Variants in XPA observed in about 807,000 individuals in gnomAD.
XPA encodes the protein DNA repair protein complementing XP-A cells.
In XPA, 27 loss-of-function variants were observed where a neutral mutation model predicts 35.7. That is an observed-to-expected ratio of 0.76 (90% CI 0.56 to 1.04). The LOEUF is 1.04. XPA is among the 50% of genes least tolerant of loss of function. The pLI, the probability that XPA is intolerant of heterozygous loss-of-function variation, is 0.00. For synonymous variants in XPA, 133 were observed against 118.4 expected, an observed-to-expected ratio of 1.12 and a Z score of -0.80; for missense variants, 354 against 342.7, an observed-to-expected ratio of 1.03 and a Z score of -0.26.
intron 5 of XPA, chr9:97,682,297 T>C (rs764345761): frequency 1.3e-5 from 7 of 518,752 alleles, no homozygotes; most frequent in Non-Finnish European, 2.7e-5. Context: ...TAAAATACTT[T>C]TAGACTTGCT....
chr9:97,669,468 C>G, the XPA span: 6 of 642,606 alleles, frequency 9.3e-6, no homozygotes, highest in Non-Finnish European at 1.1e-5. Context: ...ATAATGGAAG[C>G]TAGGCACACA....
At position 97,675,000 on chromosome 9, in the gene XPA, C is replaced by G. The variant is rs548728905; in HGVS notation, c.*439G>C. ...TTTCCACCATCGTGGAGACAGAAAT[C>G]GTCCTAAAAAACACATGACTAGAAC... On this transcript the variant is annotated 3_prime_UTR_variant, in exon 6 of 6. Coordinates refer to ENST00000375128, the MANE Select transcript of XPA (RefSeq NM_000380.4). 1.9e-5 allele frequency: 10 copies of G among 526,096 alleles called. No homozygotes were observed. Among genetic ancestry groups the G allele is most frequent in the Non-Finnish European group, 3.3e-5 (9 of 271,238 alleles). 32.6% of individuals were successfully genotyped at this position (526,096 alleles called of 1,614,324 possible). A position where few individuals can be genotyped will look rare whatever the true frequency, so the allele number is the denominator to read the frequency against.
chr9:97,691,318 G>A (rs573196983), intron 2 of XPA, among the ~76,000 whole-genome samples: 1 of 152,278 alleles, frequency 6.6e-6, no homozygotes, highest in African/African-American at 2.4e-5. Context: ...AACCACTCTA[G>A]GTAAGGTAAA....
chr9:97,663,507 CAG>C, the XPA span, among the ~76,000 whole-genome samples: 15 of 151,702 alleles, frequency 9.9e-5, no homozygotes, highest in African/African-American at 3.1e-4. Flanking sequence ...TTTTTGGAGA[CAG>C]AGTCTCACTC....
the XPA span, chr9:97,664,291 G>A: frequency 1.7e-5 from 18 of 1,088,370 alleles, no homozygotes; most frequent in Admixed American, 1.7e-4. Context: ...ACATATATAT[G>A]TGTGTGTATG....
At chr9:97,689,441 TAAGAA>T (rs1231816286) in intron 3 of XPA, 88 bp downstream of exon 3, 4 of 811,416 alleles carry the variant, frequency 4.9e-6, no homozygotes, top group South Asian at 1.6e-5. Context: ...TCATAATTAC[TAAGAA>T]AATATCAAAT....
intron 1 of XPA, among the ~76,000 whole-genome samples, chr9:97,695,808 TG>T (rs1179729152): frequency 2.0e-5 from 3 of 152,164 alleles, no homozygotes; most frequent in Non-Finnish European, 4.4e-5. Context: ...TGAAACATGG[TG>T]GGTTGTACAC....
At chr9:97,674,041 T>TTTACAGATAAAAACAGGTTTTGGAGTAA (rs1828276641), downstream of XPA, among the ~76,000 whole-genome samples, 1 of 129,420 alleles carries the variant, frequency 7.7e-6, no homozygotes, top group Non-Finnish European at 1.8e-5. Context: ...TTATGCCCTC[T>TTTACAGATAAAAACAGGTTTTGGAGTAA]TTACAGATAA....
intron 5 of XPA, among the ~76,000 whole-genome samples, chr9:97,679,335 A>G (rs1828467272): frequency 6.6e-6 from 1 of 152,224 alleles, no homozygotes; most frequent in Non-Finnish European, 1.5e-5. Flanking sequence ...TAATCTGGAA[A>G]AAGGATATAT....
chr9:97,678,080 TAGAAAGC>T (rs1287957377), intron 5 of XPA, among the ~76,000 whole-genome samples: 7 of 152,216 alleles, frequency 4.6e-5, no homozygotes, highest in Non-Finnish European at 1.5e-5. Flanking sequence ...TGTGTTGTGC[TAGAAAGC>T]AGAAAGGAGT....
At chr9:97,667,131 C>G in the XPA span, among the ~76,000 whole-genome samples, 1 of 152,116 alleles carries the variant, frequency 6.6e-6, no homozygotes, top group Non-Finnish European at 1.5e-5. Flanking sequence ...TTCACTATCT[C>G]TGGGTCGGCC....
intron 5 of XPA, among the ~76,000 whole-genome samples, chr9:97,683,786 C>T (rs1828620744): frequency 6.6e-6 from 1 of 152,132 alleles, no homozygotes; most frequent in African/African-American, 2.4e-5. Context: ...AACTTGTGTT[C>T]CTCACAACAA....
Position 97,689,637 on chromosome 9 carries a change from G to C in XPA, c.286C>G (p.Pro96Ala), listed in dbSNP as rs573834910. Reference protein sequence around the residue: ...KIGKVVHQPGPVMEFDYVICE... With the variant: ...KIGKVVHQPGAVMEFDYVICE... The stretch of plus-strand genomic sequence containing the variant: ...ATTACATAATCAAATTCCATAACAG[G>C]TCCTAAGAAAAGGAAAATGAACTCT... The change falls in exon 3 of 6, where the codon CCT (proline) becomes GCT (alanine). Residue 96 changes from proline (P) to alanine (A), a missense_variant and splice_region_variant. Pro to Ala is a conservative substitution (Grantham distance 27). Coordinates refer to ENST00000375128, the MANE Select transcript of XPA (RefSeq NM_000380.4). The C allele has an allele frequency of 6.3e-7, 1 of 1,590,500 alleles. No homozygotes were observed. The highest frequency in any genetic ancestry group is 8.6e-7 in the Non-Finnish European group (1 of 1,159,742).
intron 4 of XPA, among the ~76,000 whole-genome samples, chr9:97,686,857 C>T (rs1462054872): frequency 1.3e-5 from 2 of 152,120 alleles, no homozygotes; most frequent in African/African-American, 2.4e-5. Context: ...GAGCCATGAT[C>T]TCACCACTGC....
chr9:97,683,194 A>G (rs955578489), intron 5 of XPA, among the ~76,000 whole-genome samples: 9 of 152,234 alleles, frequency 5.9e-5, no homozygotes, highest in Admixed American at 4.6e-4. Context: ...GGAGTTAACA[A>G]AAAACCCTAG....
chr9:97,697,120 C>A lies in XPA; in HGVS notation c.172+1G>T, dbSNP rs1554703119. ...GGGGAAAGCGCGGACGCGGCCCAAA[C>A]CTCCAGTAGCCGCAGCCGCCGTCGC... is the stretch of plus-strand genomic sequence containing the variant. On this transcript the variant is annotated splice_donor_variant, in intron 1 of 5. Coordinates refer to ENST00000375128, the MANE Select transcript of XPA (RefSeq NM_000380.4). LOFTEE classifies it high-confidence loss of function. 1 of 1,545,416 alleles carries A rather than the reference C, an allele frequency of 6.5e-7. No individual in the cohort carries two copies. Among genetic ancestry groups the A allele is most frequent in the Non-Finnish European group, 8.7e-7 (1 of 1,147,884 alleles).
At chr9:97,660,612 G>A in the XPA span, among the ~76,000 whole-genome samples, 1 of 152,136 alleles carries the variant, frequency 6.6e-6, no homozygotes, top group Admixed American at 6.5e-5. Flanking sequence ...GGAGAGTTGA[G>A]GGCATTAAAA....
At chr9:97,682,376 G>C (rs1828573829) in intron 5 of XPA, 1 of 518,814 alleles carries the variant, frequency 1.9e-6, no homozygotes, top group South Asian at 1.4e-5. Flanking sequence ...AATCTCTACA[G>C]TGTCTACTCC....
intron 1 of XPA, among the ~76,000 whole-genome samples, chr9:97,696,183 T>C (rs1007708819): frequency 6.6e-6 from 1 of 152,182 alleles, no homozygotes; most frequent in Non-Finnish European, 1.5e-5. Flanking sequence ...TCACTCTCAC[T>C]ACATCTGGCT....
Sources: gnomAD v4.1 joint callset for allele counts (sites outside exome capture counted in the v4.1 genomes callset) on GRCh38, gnomAD v4.1.1 for gene constraint, MANE v1.5 for transcripts, NCBI Gene and HGNC (gene_info 2026-07-23, HGNC 2026-07-21) for gene names.